Variants in CDC42BPB observed in about 807,000 individuals in gnomAD.
CDC42BPB encodes the protein CDC42 binding protein kinase beta.
CDC42BPB carries 37 observed loss-of-function variants against 214.9 expected under a neutral mutation model. That is an observed-to-expected ratio of 0.17 (90% CI 0.13 to 0.23). The LOEUF is 0.23. Among genes scored for constraint, CDC42BPB ranks in the 10% least tolerant of loss-of-function variants. The pLI is 1.00. For missense variants in CDC42BPB, 1,694 were observed against 2,227.0 expected, an observed-to-expected ratio of 0.76 and a Z score of 4.82; for synonymous variants, 931 against 884.0, an observed-to-expected ratio of 1.05 and a Z score of -0.94.
chr14:102,983,491 T>C, intron 7 of CDC42BPB, 65 bp downstream of exon 7: 1 of 1,589,142 alleles, frequency 6.3e-7, no homozygotes, highest in Non-Finnish European at 8.5e-7. Flanking sequence ...CCTGCACTAG[T>C]TGTGCTCTCT....
intron 12 of CDC42BPB, among the ~76,000 whole-genome samples, chr14:102,973,237 T>G (rs909440336): frequency 1.3e-5 from 2 of 152,186 alleles, no homozygotes; most frequent in Non-Finnish European, 2.9e-5. Flanking sequence ...ACACTGCACT[T>G]CTAGACAAAT....
intron 3 of CDC42BPB, among the ~76,000 whole-genome samples, chr14:103,005,167 CAA>C (rs59904134): frequency 6.6e-4 from 77 of 117,368 alleles, no homozygotes; most frequent in African/African-American, 9.3e-4. Flanking sequence ...GACTCTGTCT[CAA>C]AAAAAAAAAA....
intron 30 of CDC42BPB, 36 bp from the exon 31 acceptor site, chr14:102,940,360 T>C: frequency 6.4e-7 from 1 of 1,551,286 alleles, no homozygotes; most frequent in Non-Finnish European, 8.7e-7. Flanking sequence ...TGAGCCACAG[T>C]GGCTCAGGAA....
chr14:103,030,433 T>C (rs1887301714), intron 1 of CDC42BPB, among the ~76,000 whole-genome samples: 1 of 152,240 alleles, frequency 6.6e-6, no homozygotes, highest in Non-Finnish European at 1.5e-5. Flanking sequence ...CAGTGGCTTA[T>C]GCCTGTAATC....
At chr14:103,003,783 T>C in intron 4 of CDC42BPB, 145 bp downstream of exon 4, 1 of 551,060 alleles carries the variant, frequency 1.8e-6, no homozygotes, top group Non-Finnish European at 3.1e-6. Context: ...AATTACTGCA[T>C]GAAAACAAGC....
intron 3 of CDC42BPB, among the ~76,000 whole-genome samples, chr14:103,006,816 G>T (rs1398209583): frequency 6.6e-6 from 1 of 152,138 alleles, no homozygotes; most frequent in Non-Finnish European, 1.5e-5. Context: ...AATTAAACTG[G>T]ATCTGTGTCA....
chr14:103,041,181 A>C (rs776818492), intron 1 of CDC42BPB, among the ~76,000 whole-genome samples: 1 of 152,256 alleles, frequency 6.6e-6, no homozygotes, highest in Non-Finnish European at 1.5e-5. Flanking sequence ...GGGGGAAAGA[A>C]TATAGTCTGT....
At chr14:102,998,898 A>G (rs1002364382) in intron 5 of CDC42BPB, among the ~76,000 whole-genome samples, 12 of 151,802 alleles carry the variant, frequency 7.9e-5, no homozygotes, top group Non-Finnish European at 1.8e-4. Flanking sequence ...CCCAGGGAGC[A>G]CAGGCATTTT....
intron 6 of CDC42BPB, among the ~76,000 whole-genome samples, chr14:102,985,907 T>G (rs1894224947): frequency 6.6e-6 from 1 of 152,172 alleles, no homozygotes; most frequent in Non-Finnish European, 1.5e-5. Flanking sequence ...GACTGCGGGG[T>G]GGAGACCACA....
In CDC42BPB at chr14:102,944,539, C is replaced by T. The variant is rs1357788300; in HGVS notation, c.3812-52G>A. 6.4e-7 allele frequency: 1 copy of T among 1,569,030 alleles called. No homozygotes were observed. Among genetic ancestry groups the T allele is most frequent in the Admixed American group, 1.8e-5 (1 of 56,046 alleles). ...GGCCGACGGGACAGCCAGCAGCTCC[C>T]AGGGGCTGACGGCCTTGGCTAAAGA... On this transcript the variant is annotated intron_variant, in intron 29 of 36. Transcript: ENST00000361246. This position sits in a 1 kb window ranked among gnomAD's most constrained non-coding sequence, Gnocchi z 6.6.
At chr14:103,021,285 C>G (rs1015476387) in intron 1 of CDC42BPB, among the ~76,000 whole-genome samples, 2 of 152,076 alleles carry the variant, frequency 1.3e-5, no homozygotes, top group African/African-American at 4.8e-5. Flanking sequence ...ACAGTGAAAC[C>G]CCGTCTCTAC....
chr14:102,992,843 T>A (rs969730268), intron 5 of CDC42BPB, among the ~76,000 whole-genome samples: 6 of 150,664 alleles, frequency 4.0e-5, no homozygotes, highest in African/African-American at 1.2e-4. Flanking sequence ...TTATTTATTT[T>A]TGAGACAGAG....
intron 19 of CDC42BPB, among the ~76,000 whole-genome samples, chr14:102,964,096 C>G (rs535535867): frequency 6.6e-6 from 1 of 152,356 alleles, no homozygotes; most frequent in East Asian, 1.9e-4. Context: ...TCTTCAACCT[C>G]TGTTTTAAAA....
rs1319568762 is a variant in CDC42BPB at position 102,964,646 on chromosome 14, G to T, written c.2582C>A (p.Pro861Gln). The T allele has an allele frequency of 1.9e-6, 3 of 1,606,626 alleles. No individual in the cohort carries two copies. Among genetic ancestry groups the T allele is most frequent in the African/African-American group, 1.3e-5 (1 of 74,718 alleles). Residue 861 changes from proline (P) to glutamine (Q), a missense_variant, in exon 19 of 37, where the codon CCG becomes CAG. Physicochemically the swap from Pro to Gln is moderately conservative, Grantham distance 76. Coordinates refer to ENST00000361246, the MANE Select transcript of CDC42BPB (RefSeq NM_006035.4). ...SSSLGSRTLD[P>Q]LWKVRRSQKL... Reference sequence around the variant, plus strand: ...CTGGCTGCGGCGCACCTTCCACAGCGGGTCCTTGAGACACGGTCATGGCGT... The same window carrying T: ...CTGGCTGCGGCGCACCTTCCACAGCTGGTCCTTGAGACACGGTCATGGCGT...
At chr14:103,020,645 G>A (rs553234837) in intron 1 of CDC42BPB, among the ~76,000 whole-genome samples, 1 of 152,326 alleles carries the variant, frequency 6.6e-6, no homozygotes, top group Admixed American at 6.5e-5. Flanking sequence ...AGCCACAGTG[G>A]ACGGGGCACA....
chr14:103,016,540 G>A (rs151331659), intron 1 of CDC42BPB, among the ~76,000 whole-genome samples: 3 of 152,004 alleles, frequency 2.0e-5, no homozygotes, highest in African/African-American at 7.2e-5. Flanking sequence ...GGTGAGGGGA[G>A]GGAACCAGGT....
intron 28 of CDC42BPB, 136 bp downstream of exon 28, chr14:102,946,329 GCTT>G: frequency 2.1e-6 from 2 of 955,832 alleles, no homozygotes; most frequent in Non-Finnish European, 3.1e-6. Flanking sequence ...GGCCTCGTCT[GCTT>G]CTTAACATGC....
At chr14:103,016,563 C>CCAGGTGAGGGGAGGGAAT in intron 1 of CDC42BPB, among the ~76,000 whole-genome samples, 1 of 150,148 alleles carries the variant, frequency 6.7e-6, no homozygotes, top group Admixed American at 6.6e-5. Flanking sequence ...GGGGAGGGAA[C>CCAGGTGAGGGGAGGGAAT]CAGGTGAGGG....
At chr14:103,028,949 A>G (rs1003003997) in intron 1 of CDC42BPB, among the ~76,000 whole-genome samples, 1 of 152,228 alleles carries the variant, frequency 6.6e-6, no homozygotes, top group Admixed American at 6.5e-5. Context: ...TTCTGCATAT[A>G]AACCATTTTC....
Sources: allele counts gnomAD v4.1 joint callset (sites outside exome capture counted in the v4.1 genomes callset), GRCh38; gene constraint gnomAD v4.1.1; non-coding constraint Gnocchi (gnomAD v3.1); transcripts MANE v1.5; gene names NCBI Gene and HGNC (gene_info 2026-07-23, HGNC 2026-07-21).